Variants in GRIN2A observed in about 807,000 individuals in gnomAD.
GRIN2A encodes glutamate ionotropic receptor NMDA type subunit 2A.
GRIN2A carries 22 observed loss-of-function variants against 113.4 expected under a neutral mutation model. That is an observed-to-expected ratio of 0.19 (90% CI 0.14 to 0.28). The LOEUF is 0.28. GRIN2A is among the 10% of genes least tolerant of loss of function. The pLI, the probability that GRIN2A is intolerant of heterozygous loss-of-function variation, is 1.00. For missense variants in GRIN2A, 1,502 were observed against 1,887.0 expected, an observed-to-expected ratio of 0.80 and a Z score of 3.78; for synonymous variants, 827 against 738.4, an observed-to-expected ratio of 1.12 and a Z score of -1.94.
chr16:9,786,615 A>T (rs1248114423), intron 11 of GRIN2A, among the ~76,000 whole-genome samples: 1 of 152,128 alleles, frequency 6.6e-6, no homozygotes, highest in Non-Finnish European at 1.5e-5. Flanking sequence ...CCAGATGAGA[A>T]AACCACCTGT....
At chr16:9,837,643 T>A (rs558675739) in intron 7 of GRIN2A, among the ~76,000 whole-genome samples, 2 of 152,292 alleles carry the variant, frequency 1.3e-5, no homozygotes, top group East Asian at 3.9e-4. Context: ...GACAAAGGAT[T>A]CCTGCCAAAG....
chr16:10,079,628 A>G (rs1420058571), intron 2 of GRIN2A, among the ~76,000 whole-genome samples: 1 of 152,202 alleles, frequency 6.6e-6, no homozygotes, highest in Non-Finnish European at 1.5e-5. Context: ...AACAAAACAA[A>G]ATGATGACAG....
At position 9,822,408 on chromosome 16, in the gene GRIN2A, T is replaced by G. The variant is rs75130648; in HGVS notation, c.2024A>C (p.Asp675Ala). 6.2e-6 allele frequency: 10 copies of G among 1,609,894 alleles called. No homozygotes were observed. Among genetic ancestry groups the G allele is most frequent in the Non-Finnish European group, 7.7e-6 (9 of 1,176,452 alleles). Residue 675 changes from aspartate (D) to alanine (A), a missense_variant, in exon 10 of 13, where the codon GAC becomes GCC. Coordinates refer to ENST00000330684, the MANE Select transcript of GRIN2A (RefSeq NM_001134407.3). ...LSDKKFQRPH[D>A]YSPPFRFGTV... Reference sequence around the variant, plus strand: ...CCCAAATCGAAAAGGTGGGGAATAGTCATGAGGTCTCTGAAACTGGAGAGA... The same window carrying G: ...CCCAAATCGAAAAGGTGGGGAATAGGCATGAGGTCTCTGAAACTGGAGAGA...
intron 2 of GRIN2A, among the ~76,000 whole-genome samples, chr16:9,953,139 C>A (rs2045222586): frequency 2.6e-5 from 4 of 152,152 alleles, no homozygotes; most frequent in African/African-American, 9.7e-5. Context: ...AGAGAAAGAT[C>A]TGAACTAGGA....
intron 2 of GRIN2A, among the ~76,000 whole-genome samples, chr16:10,092,301 C>T (rs539228424): frequency 6.6e-6 from 1 of 152,286 alleles, no homozygotes; most frequent in Admixed American, 6.5e-5. Context: ...AGTCTTCTTA[C>T]AGTCCAAGGA....
At chr16:10,104,227 T>C (rs934199302) in intron 2 of GRIN2A, among the ~76,000 whole-genome samples, 21 of 152,384 alleles carry the variant, frequency 1.4e-4, no homozygotes, top group African/African-American at 5.0e-4. Context: ...TTCATTCATC[T>C]GTTATTGAAC....
At chr16:9,841,462 C>G (rs370133288) in intron 5 of GRIN2A, among the ~76,000 whole-genome samples, 2 of 152,272 alleles carry the variant, frequency 1.3e-5, no homozygotes, top group Non-Finnish European at 1.5e-5. Context: ...GAGTTTATAA[C>G]ATACACAACT....
chr16:10,133,110 T>C (rs1413339541), intron 2 of GRIN2A, among the ~76,000 whole-genome samples: 1 of 152,292 alleles, frequency 6.6e-6, no homozygotes, highest in African/African-American at 2.4e-5. Flanking sequence ...GAGGCTCTCA[T>C]CTCAAGATGG....
chr16:10,043,613 A>C (rs1205778853), intron 2 of GRIN2A, among the ~76,000 whole-genome samples: 1 of 152,106 alleles, frequency 6.6e-6, no homozygotes, highest in Admixed American at 6.5e-5. Flanking sequence ...TTCTGCAACC[A>C]TTCTAGCCCA....
intron 2 of GRIN2A, among the ~76,000 whole-genome samples, chr16:10,108,834 A>C (rs1362246486): frequency 6.6e-6 from 1 of 152,206 alleles, no homozygotes; most frequent in East Asian, 1.9e-4. Flanking sequence ...CACATAACAC[A>C]TAAAATAATT....
Position 9,849,678 on chromosome 16 carries a change from C to T in GRIN2A, c.1328+78G>A. Reference sequence around the variant, plus strand: ...TCTATGACATTTTGTGATTCAAGTACACATATTGTTACTATCGATGATCCA... The same window carrying T: ...TCTATGACATTTTGTGATTCAAGTATACATATTGTTACTATCGATGATCCA... On this transcript the variant is annotated intron_variant, in intron 5 of 12. Coordinates refer to ENST00000330684, the MANE Select transcript of GRIN2A (RefSeq NM_001134407.3). The T allele has an allele frequency of 5.9e-6, 6 of 1,009,792 alleles. No homozygotes were observed. The Admixed American group carries it at 1.0e-4, about 17-fold the overall frequency. The allele number at this position is 1,009,792 out of a possible 1,614,324, so 62.6% of individuals were successfully genotyped here. A position where few individuals can be genotyped will look rare whatever the true frequency, so the allele number is the denominator to read the frequency against.
rs557714402 is a variant in GRIN2A, at chr16:9,802,369, A to AACATC, written c.2169-3910_2169-3906dup. ...ATACTATGCAGCCATGACAAAGAAC[A>AACATC]ACATCATGTCCTTTGCAGAGACATG... On this transcript the variant is annotated intron_variant, in intron 10 of 12. Transcript: ENST00000330684. 2.4e-3 allele frequency among the ~76,000 whole-genome samples: 360 copies of AACATC among 152,340 alleles called. 1 individual carries two copies. The highest frequency in any genetic ancestry group is 8.4e-3 in the African/African-American group (350 of 41,586).
At chr16:10,177,907 G>T (rs1426373286) in intron 2 of GRIN2A, among the ~76,000 whole-genome samples, 1 of 152,160 alleles carries the variant, frequency 6.6e-6, no homozygotes, top group Non-Finnish European at 1.5e-5. Context: ...TGAGTCACAT[G>T]ACAGCCTGAG....
chr16:9,789,180 T>C (rs1262500592), intron 11 of GRIN2A, among the ~76,000 whole-genome samples: 1 of 152,254 alleles, frequency 6.6e-6, no homozygotes, highest in Non-Finnish European at 1.5e-5. Flanking sequence ...TTACATGTGA[T>C]TGGGTTTCAA....
intron 2 of GRIN2A, among the ~76,000 whole-genome samples, chr16:9,985,518 A>G (rs1055355859): frequency 6.6e-6 from 1 of 152,200 alleles, no homozygotes; most frequent in African/African-American, 2.4e-5. Context: ...ATGAAAAAGA[A>G]TGAGATCCTG....
intron 2 of GRIN2A, among the ~76,000 whole-genome samples, chr16:9,953,731 A>G (rs1044803724): frequency 4.6e-5 from 7 of 152,162 alleles, no homozygotes; most frequent in African/African-American, 1.7e-4. Context: ...ACGGGAGTAG[A>G]GAGCTTGAAG....
intron 2 of GRIN2A, among the ~76,000 whole-genome samples, chr16:10,062,295 C>CA (rs1209657327): frequency 6.6e-6 from 1 of 151,902 alleles, no homozygotes; most frequent in African/African-American, 2.4e-5. Context: ...CAGTAGAAAA[C>CA]AAAAAAAGTA....
intron 2 of GRIN2A, among the ~76,000 whole-genome samples, chr16:10,067,829 G>T (rs1409500878): frequency 6.6e-6 from 1 of 152,120 alleles, no homozygotes; most frequent in African/African-American, 2.4e-5. Flanking sequence ...ATGGGTAGAG[G>T]CTACATGTCC....
intron 2 of GRIN2A, among the ~76,000 whole-genome samples, chr16:10,107,110 TG>T (rs1464827078): frequency 1.3e-5 from 2 of 152,242 alleles, no homozygotes; most frequent in African/African-American, 4.8e-5. Context: ...GGATGATGAC[TG>T]GATTTCCTGC....
Sources: gnomAD v4.1 joint callset for allele counts (sites outside exome capture counted in the v4.1 genomes callset) on GRCh38, gnomAD v4.1.1 for gene constraint, MANE v1.5 for transcripts, NCBI Gene and HGNC (gene_info 2026-07-23, HGNC 2026-07-21) for gene names.